Variants in SEPTIN9 observed in about 807,000 individuals in gnomAD.
SEPTIN9 encodes the protein septin-9.
In SEPTIN9, 13 loss-of-function variants were observed where a neutral mutation model predicts 56.6. The ratio of observed to expected loss-of-function variants is 0.23; its 90% CI spans 0.15 to 0.37. SEPTIN9 has a LOEUF of 0.37. Ranked by LOEUF, SEPTIN9 falls within the 10% of genes least tolerant of loss-of-function variation. The pLI, the probability that SEPTIN9 is intolerant of heterozygous loss-of-function variation, is 1.00. For missense variants in SEPTIN9, 650 were observed against 823.1 expected (o/e 0.79, Z 2.57); for synonymous variants, 332 against 334.1 (o/e 0.99, Z 0.07).
At chr17:77,420,604 C>T (rs576420703) in intron 3 of SEPTIN9, among the ~76,000 whole-genome samples, 2 of 152,228 alleles carry the variant, frequency 1.3e-5, no homozygotes, top group South Asian at 4.2e-4. Context: ...GTGGACAGTC[C>T]TTTAGATCTC....
At chr17:77,382,130 C>T (rs2035166512) in intron 2 of SEPTIN9, among the ~76,000 whole-genome samples, 1 of 152,096 alleles carries the variant, frequency 6.6e-6, no homozygotes, top group African/African-American at 2.4e-5. Flanking sequence ...TGGGTTCAAG[C>T]GATTCTCCTG....
chr17:77,383,008 T>TCAGCAA (rs2035201117), intron 2 of SEPTIN9, among the ~76,000 whole-genome samples: 1 of 152,084 alleles, frequency 6.6e-6, no homozygotes, highest in South Asian at 2.1e-4. Context: ...GCCCTGGCTG[T>TCAGCAA]GGCCACAGCA....
chr17:77,293,053 GTCACGCAAGCT>G (rs1417077819), intron 1 of SEPTIN9, among the ~76,000 whole-genome samples: 1 of 151,822 alleles, frequency 6.6e-6, no homozygotes, highest in African/African-American at 2.4e-5. Flanking sequence ...GTCTCACTCT[GTCACGCAAGCT>G]GAAGTGCAGT....
rs2037280335 is a variant in SEPTIN9, at chr17:77,434,844, T to A, written c.721+32141T>A. Among the ~76,000 whole-genome samples the A allele has an allele frequency of 6.6e-6, 1 of 152,064 alleles. No individual in the cohort carries two copies. The highest frequency in any genetic ancestry group is 2.4e-5 in the African/African-American group (1 of 41,410). On this transcript the variant is annotated intron_variant, in intron 3 of 11. Coordinates refer to ENST00000427177, the MANE Select transcript of SEPTIN9 (RefSeq NM_001113491.2). The surrounding 1 kb of genome is among the most constrained non-coding windows in gnomAD (Gnocchi z 5.0). ...TTAATTCAGGAGGGTAGCCAGTCGC[T>A]GGAACTAAGAGTGAACTTCAGCTGT...
chr17:77,433,571 G>A lies in SEPTIN9; in HGVS notation c.721+30868G>A, dbSNP rs1278215589. On this transcript the variant is annotated intron_variant, in intron 3 of 11. Transcript: ENST00000427177. This position sits in a 1 kb window ranked among gnomAD's most constrained non-coding sequence, Gnocchi z 6.4. ...GCCCAGCATGGCCATGCCGGAAATA[G>A]CAGCATCGTCCCCCTCACTGTCCTG... Among the ~76,000 whole-genome samples, 1 of 152,006 alleles carries A rather than the reference G, an allele frequency of 6.6e-6. No homozygotes were observed. The highest frequency in any genetic ancestry group is 1.5e-5 in the Non-Finnish European group (1 of 67,974).
rs768702519 is a variant in SEPTIN9, at chr17:77,429,075, C to T, written c.721+26372C>T. On this transcript the variant is annotated intron_variant, in intron 3 of 11. Transcript: ENST00000427177. This position sits in a 1 kb window ranked among gnomAD's most constrained non-coding sequence, Gnocchi z 5.2. ...GCTCCTGGTTGCAGATGTACCTGTT[C>T]TTGGCTATTTGTGCCCCAGCTCCGT... is the stretch of plus-strand genomic sequence containing the variant. The T allele has an allele frequency of 2.1e-6, 1 of 471,548 alleles. No homozygotes were observed. The highest frequency in any genetic ancestry group is 2.3e-5 in the Admixed American group (1 of 42,572). 29.2% of individuals were successfully genotyped at this position (471,548 alleles called of 1,614,324 possible).
intron 2 of SEPTIN9, among the ~76,000 whole-genome samples, chr17:77,399,517 C>T (rs1223134012): frequency 6.6e-6 from 1 of 152,082 alleles, no homozygotes. Flanking sequence ...GCACGAGGAC[C>T]CAGGCATTGA....
chr17:77,334,986 T>C (rs2033488578), intron 2 of SEPTIN9, among the ~76,000 whole-genome samples: 1 of 152,166 alleles, frequency 6.6e-6, no homozygotes, highest in Non-Finnish European at 1.5e-5. Flanking sequence ...GTAGGCCCTG[T>C]GTTGACTGTA....
intron 1 of SEPTIN9, among the ~76,000 whole-genome samples, chr17:77,292,228 C>T (rs558798857): frequency 1.9e-4 from 29 of 152,224 alleles, no homozygotes; most frequent in Non-Finnish European, 4.0e-4. Flanking sequence ...GCTCCTGCCA[C>T]CTACCCTCTG....
At chr17:77,303,612 C>A (rs887481982) in intron 1 of SEPTIN9, among the ~76,000 whole-genome samples, 1 of 151,498 alleles carries the variant, frequency 6.6e-6, no homozygotes, top group Admixed American at 6.6e-5. Context: ...ACTTGGGAGG[C>A]GGAGGTTGCG....
intron 2 of SEPTIN9, among the ~76,000 whole-genome samples, chr17:77,364,598 G>A (rs1009248738): frequency 6.6e-6 from 1 of 152,342 alleles, no homozygotes; most frequent in South Asian, 2.1e-4. Context: ...AGTGAGGAGA[G>A]GGGGGCAGGA....
In SEPTIN9 at chr17:77,433,583, C is replaced by G. The variant is rs2037229768; in HGVS notation, c.721+30880C>G. Among the ~76,000 whole-genome samples, 1 of 152,172 alleles carries G rather than the reference C, an allele frequency of 6.6e-6. No individual in the cohort carries two copies. The highest frequency in any genetic ancestry group is 2.1e-4 in the South Asian group (1 of 4,830). On this transcript the variant is annotated intron_variant, in intron 3 of 11. Transcript: ENST00000427177. The surrounding 1 kb of genome is among the most constrained non-coding windows in gnomAD (Gnocchi z 6.4). ...CATGCCGGAAATAGCAGCATCGTCC[C>G]CCTCACTGTCCTGGCTTGCTTTCAA...
chr17:77,482,982 G>C (rs1273014807), intron 4 of SEPTIN9: 1 of 177,552 alleles, frequency 5.6e-6, no homozygotes, highest in African/African-American at 2.4e-5. Context: ...CAGAAGCGAG[G>C]CTCAGGGAAG....
intron 3 of SEPTIN9, among the ~76,000 whole-genome samples, chr17:77,480,264 G>A (rs979626543): frequency 6.6e-6 from 1 of 152,228 alleles, no homozygotes; most frequent in Non-Finnish European, 1.5e-5. Context: ...ACGGGGAGGT[G>A]CCTGTGAGGA....
chr17:77,351,945 T>G (rs1004871826), intron 2 of SEPTIN9, among the ~76,000 whole-genome samples: 2 of 152,136 alleles, frequency 1.3e-5, no homozygotes, highest in African/African-American at 4.8e-5. Flanking sequence ...GCACTGACAC[T>G]TGCTGACCAG....
rs1385407828 is a variant in SEPTIN9, at chr17:77,445,586, C to T, written c.722-36558C>T. On this transcript the variant is annotated intron_variant, in intron 3 of 11. Transcript: ENST00000427177. This position sits in a 1 kb window ranked among gnomAD's most constrained non-coding sequence, Gnocchi z 4.7. ...GGAGGAAGCTGTGAAACCACATCCC[C>T]TCCTCTCTGCTGCTGTGTTGCTGTG... 5.3e-6 allele frequency: 2 copies of T among 377,096 alleles called. No individual in the cohort carries two copies. Among genetic ancestry groups the T allele is most frequent in the African/African-American group, 4.3e-5 (2 of 46,972 alleles). 23.4% of individuals were successfully genotyped at this position (377,096 alleles called of 1,614,324 possible).
chr17:77,316,586 G>T (rs1279177009), intron 2 of SEPTIN9, among the ~76,000 whole-genome samples: 1 of 152,178 alleles, frequency 6.6e-6, no homozygotes, highest in African/African-American at 2.4e-5. Context: ...CTGTTCCCAA[G>T]TTCCCACCGC....
chr17:77,437,787 C>T lies in SEPTIN9; in HGVS notation c.721+35084C>T, dbSNP rs1032284431. ...TTCTGGGGAGGACTTTCTGCTGCCC[C>T]CCAACCCCTTTCGGGTACATTCTCC... On this transcript the variant is annotated intron_variant, in intron 3 of 11. Coordinates refer to ENST00000427177, the MANE Select transcript of SEPTIN9 (RefSeq NM_001113491.2). The surrounding 1 kb of genome is among the most constrained non-coding windows in gnomAD (Gnocchi z 5.3). Among the ~76,000 whole-genome samples, 1 of 152,200 alleles carries T rather than the reference C, an allele frequency of 6.6e-6. No homozygotes were observed. Among genetic ancestry groups the T allele is most frequent in the Non-Finnish European group, 1.5e-5 (1 of 68,044 alleles).
intron 10 of SEPTIN9, chr17:77,497,003 G>A (rs938340515): frequency 6.5e-6 from 3 of 461,146 alleles, no homozygotes; most frequent in African/African-American, 2.0e-5. Context: ...CTCCACTGTG[G>A]CTTCCTTCCA....
Sources: allele counts gnomAD v4.1 joint callset (sites outside exome capture counted in the v4.1 genomes callset), GRCh38; gene constraint gnomAD v4.1.1; non-coding constraint Gnocchi (gnomAD v3.1); transcripts MANE v1.5; gene names NCBI Gene and HGNC (gene_info 2026-07-23, HGNC 2026-07-21).